Variants in THSD7B observed in about 807,000 individuals in gnomAD.
The protein encoded by THSD7B is thrombospondin type 1 domain containing 7B, also known as thrombospondin type-1 domain-containing protein 7B.
THSD7B carries 138 observed loss-of-function variants against 213.6 expected under a neutral mutation model. The observed-to-expected ratio is 0.65, with a 90% CI of 0.56 to 0.74. THSD7B has a LOEUF of 0.74. Among genes scored for constraint, THSD7B ranks in the 30% least tolerant of loss-of-function variants. THSD7B has a pLI of 0.00. For missense variants in THSD7B, 1,931 were observed against 1,991.5 expected, an observed-to-expected ratio of 0.97 and a Z score of 0.58; for synonymous variants, 742 against 687.0, an observed-to-expected ratio of 1.08 and a Z score of -1.25.
At chr2:137,203,628 A>G (rs758651250) in intron 7 of THSD7B, among the ~76,000 whole-genome samples, 4 of 152,044 alleles carry the variant, frequency 2.6e-5, no homozygotes, top group Non-Finnish European at 4.4e-5. Context: ...ATTAGTAGCT[A>G]TAAGGTTTGC....
chr2:137,230,748 G>A (rs1681617149), intron 7 of THSD7B, among the ~76,000 whole-genome samples: 2 of 152,098 alleles, frequency 1.3e-5, no homozygotes, highest in Non-Finnish European at 2.9e-5. Flanking sequence ...GCATATACTT[G>A]TTATATATGG....
At chr2:137,267,353 T>G (rs192741279) in intron 10 of THSD7B, among the ~76,000 whole-genome samples, 1 of 152,318 alleles carries the variant, frequency 6.6e-6, no homozygotes, top group Admixed American at 6.5e-5. Context: ...ATAGGCCTAA[T>G]GAGGTTGGAA....
chr2:137,316,367 C>G (rs1323519539), intron 12 of THSD7B, among the ~76,000 whole-genome samples: 1 of 152,222 alleles, frequency 6.6e-6, no homozygotes, highest in African/African-American at 2.4e-5. Context: ...AGAATTTACT[C>G]CAGGTTTCCC....
At chr2:136,957,746 C>T (rs1028886353) in intron 2 of THSD7B, among the ~76,000 whole-genome samples, 4 of 152,078 alleles carry the variant, frequency 2.6e-5, no homozygotes, top group African/African-American at 4.8e-5. Flanking sequence ...CTAGAGAAAC[C>T]TTGGCTTATT....
chr2:137,136,713 A>T (rs1404361567), intron 5 of THSD7B, among the ~76,000 whole-genome samples: 7 of 152,180 alleles, frequency 4.6e-5, no homozygotes, highest in Non-Finnish European at 1.5e-5. Flanking sequence ...TTCAAGGATT[A>T]ACTCTTTCAA....
intron 20 of THSD7B, among the ~76,000 whole-genome samples, chr2:137,638,255 C>G (rs991019603): frequency 6.6e-5 from 10 of 152,088 alleles, no homozygotes; most frequent in Non-Finnish European, 1.3e-4. Context: ...TAGGAGGGAC[C>G]CAGGGTGAGG....
chr2:136,975,998 G>A (rs1437564700), intron 2 of THSD7B, among the ~76,000 whole-genome samples: 2 of 152,120 alleles, frequency 1.3e-5, no homozygotes, highest in African/African-American at 2.4e-5. Context: ...CTCTGTTTTT[G>A]ATGTATAGGA....
chr2:137,275,610 C>T (rs1682852004), intron 11 of THSD7B, among the ~76,000 whole-genome samples: 1 of 151,240 alleles, frequency 6.6e-6, no homozygotes, highest in African/African-American at 2.4e-5. Flanking sequence ...CTGATCAGTG[C>T]CTCTAATGTT....
At position 136,796,980 on chromosome 2, in the gene THSD7B, T is replaced by TCACACACACACACA. The variant is rs58116447; in HGVS notation, c.-36+31312_-36+31325dup. Among the ~76,000 whole-genome samples the TCACACACACACACA allele has an allele frequency of 6.2e-3, 907 of 146,926 alleles. 4 individuals carry two copies. The highest frequency in any genetic ancestry group is 7.6e-3 in the Non-Finnish European group (502 of 66,430). Reference sequence around the variant, plus strand: ...GCCAAGATAGTGATATCATATTTGATCACACACACACACACACACACACAC... The same window carrying TCACACACACACACA: ...GCCAAGATAGTGATATCATATTTGATCACACACACACACACACACACACACACACACACACACAC... On this transcript the variant is annotated intron_variant, in intron 1 of 27. Coordinates refer to ENST00000409968, the MANE Select transcript of THSD7B (RefSeq NM_001316349.2).
rs533105884 is a variant in THSD7B at position 137,127,944 on chromosome 2, A to C, written c.1369+12651A>C. ...AAACAAAACGAAACAAAATAAAAAAACCAAAAAGCCCTACTAGTTTAATAT... is the reference window on the plus strand; with the variant it reads ...AAACAAAACGAAACAAAATAAAAAACCCAAAAAGCCCTACTAGTTTAATAT... On this transcript the variant is annotated intron_variant, in intron 5 of 27. Coordinates refer to ENST00000409968, the MANE Select transcript of THSD7B (RefSeq NM_001316349.2). 7.2e-5 allele frequency among the ~76,000 whole-genome samples: 11 copies of C among 152,216 alleles called. No individual in the cohort carries two copies. In the East Asian group the frequency reaches 2.1e-3, roughly 29 times the overall value.
intron 12 of THSD7B, among the ~76,000 whole-genome samples, chr2:137,313,875 T>A (rs974861724): frequency 2.6e-5 from 4 of 152,240 alleles, no homozygotes; most frequent in Non-Finnish European, 5.9e-5. Context: ...CCGAGAGATC[T>A]GCTGTTAGTC....
chr2:136,812,778 A>G (rs1291384020), intron 1 of THSD7B, among the ~76,000 whole-genome samples: 30 of 152,178 alleles, frequency 2.0e-4, no homozygotes, highest in Non-Finnish European at 1.5e-5. Flanking sequence ...TGAACACTCT[A>G]GGCTGCTAGA....
chr2:137,257,071 T>C (rs567231195), intron 10 of THSD7B, among the ~76,000 whole-genome samples: 13 of 152,144 alleles, frequency 8.5e-5, no homozygotes, highest in African/African-American at 2.9e-4. Flanking sequence ...AAGCTACGGG[T>C]CCCACTCCCG....
chr2:137,246,590 A>G (rs1305591698), intron 10 of THSD7B, among the ~76,000 whole-genome samples: 1 of 152,160 alleles, frequency 6.6e-6, no homozygotes, highest in African/African-American at 2.4e-5. Context: ...GACAATCTCA[A>G]GCCATGCTTA....
chr2:137,568,150 C>G (rs1285939854), intron 16 of THSD7B, among the ~76,000 whole-genome samples: 1 of 151,984 alleles, frequency 6.6e-6, no homozygotes, highest in Non-Finnish European at 1.5e-5. Flanking sequence ...AGAGGTTTCT[C>G]TGGAATGGTA....
chr2:137,252,125 G>C (rs577357492), intron 10 of THSD7B, among the ~76,000 whole-genome samples: 1 of 152,012 alleles, frequency 6.6e-6, no homozygotes, highest in Non-Finnish European at 1.5e-5. Flanking sequence ...AAATTAGCCA[G>C]ATGTGGTAGC....
chr2:136,878,836 A>G (rs933317697), intron 1 of THSD7B, among the ~76,000 whole-genome samples: 6 of 152,072 alleles, frequency 3.9e-5, no homozygotes, highest in Admixed American at 1.3e-4. Context: ...AGATGAGTAG[A>G]TTGCAAAAAT....
intron 6 of THSD7B, 101 bp downstream of exon 6, chr2:137,160,469 T>A: frequency 6.9e-7 from 1 of 1,449,418 alleles, no homozygotes; most frequent in Non-Finnish European, 9.2e-7. Flanking sequence ...AATATTTGTT[T>A]GTAAAATTTA....
intron 2 of THSD7B, among the ~76,000 whole-genome samples, chr2:136,920,166 C>T (rs1488576479): frequency 6.6e-6 from 1 of 152,206 alleles, no homozygotes; most frequent in Admixed American, 6.5e-5. Flanking sequence ...GTTCCAAGTT[C>T]TTGTCCCATG....
Sources: gnomAD v4.1 joint callset for allele counts (sites outside exome capture counted in the v4.1 genomes callset) on GRCh38, gnomAD v4.1.1 for gene constraint, MANE v1.5 for transcripts, NCBI Gene and HGNC (gene_info 2026-07-23, HGNC 2026-07-21) for gene names.